LDLRAD3: variants seen among roughly 807,000 people sequenced by gnomAD.
The protein encoded by LDLRAD3 is low density lipoprotein receptor class A domain containing 3, also known as low-density lipoprotein receptor class A domain-containing protein 3.
LDLRAD3 carries 20 observed loss-of-function variants against 29.4 expected under a neutral mutation model. That is an observed-to-expected ratio of 0.68 (90% CI 0.48 to 0.99). The LOEUF (loss-of-function observed/expected upper bound fraction) is 0.99. LDLRAD3 is among the 50% of genes least tolerant of loss of function. LDLRAD3 has a pLI of 0.00. For synonymous variants in LDLRAD3, 157 were observed against 192.7 expected (o/e 0.81, Z 1.53); for missense variants, 420 against 454.3 (o/e 0.92, Z 0.69).
intron 4 of LDLRAD3, among the ~76,000 whole-genome samples, chr11:36,147,746 A>C (rs969903608): frequency 6.6e-6 from 1 of 152,220 alleles, no homozygotes; most frequent in African/African-American, 2.4e-5. Flanking sequence ...GACCTCTTAC[A>C]TCACTGCAAA....
chr11:36,049,140 C>A (rs1348804337), intron 2 of LDLRAD3, among the ~76,000 whole-genome samples: 1 of 152,106 alleles, frequency 6.6e-6, no homozygotes, highest in African/African-American at 2.4e-5. Flanking sequence ...GCTGTAACTG[C>A]AAAATATAGT....
At chr11:36,198,396 CTCA>C (rs1244792174) in intron 4 of LDLRAD3, among the ~76,000 whole-genome samples, 9 of 152,300 alleles carry the variant, frequency 5.9e-5, no homozygotes, top group Admixed American at 3.9e-4. Flanking sequence ...CACACACTTT[CTCA>C]TCAACATAAA....
chr11:36,217,145 C>T (rs1456341949), intron 4 of LDLRAD3, among the ~76,000 whole-genome samples: 1 of 152,224 alleles, frequency 6.6e-6, no homozygotes, highest in Non-Finnish European at 1.5e-5. Flanking sequence ...TGCTCAGCAT[C>T]TAGGTTATCC....
intron 2 of LDLRAD3, among the ~76,000 whole-genome samples, chr11:36,048,431 G>A (rs1056989709): frequency 1.3e-5 from 2 of 152,092 alleles, no homozygotes; most frequent in Middle Eastern, 3.2e-3. Context: ...ATCTACCTGG[G>A]GTCCCGGTGC....
At chr11:36,001,072 A>G (rs899080280) in intron 1 of LDLRAD3, 1 of 152,172 alleles carries the variant, frequency 6.6e-6, no homozygotes, top group Non-Finnish European at 1.5e-5. Flanking sequence ...ATTCAGTGGT[A>G]CTTTCTTTCG....
At chr11:36,062,929 G>A (rs1027099378) in intron 2 of LDLRAD3, among the ~76,000 whole-genome samples, 2 of 152,162 alleles carry the variant, frequency 1.3e-5, no homozygotes, top group Non-Finnish European at 2.9e-5. Context: ...AACTAGCTTT[G>A]TATAGCAGGG....
At chr11:35,982,740 C>T (rs1055260688) in intron 1 of LDLRAD3, among the ~76,000 whole-genome samples, 1 of 151,976 alleles carries the variant, frequency 6.6e-6, no homozygotes, top group African/African-American at 2.4e-5. Flanking sequence ...TCAGCTCTCT[C>T]TAAGGTGGCC....
intron 5 of LDLRAD3, 119 bp downstream of exon 5, chr11:36,227,549 A>G: frequency 1.4e-6 from 1 of 710,494 alleles, no homozygotes; most frequent in Non-Finnish European, 2.2e-6. Context: ...TGCTATAGGC[A>G]GTGGCAGCAT....
At chr11:36,053,995 TAA>T (rs1196279754) in intron 2 of LDLRAD3, among the ~76,000 whole-genome samples, 1 of 152,184 alleles carries the variant, frequency 6.6e-6, no homozygotes. Flanking sequence ...GAAGAAAACA[TAA>T]ACTGTGGATT....
At chr11:35,972,428 G>A (rs556981636) in intron 1 of LDLRAD3, 21 of 151,244 alleles carry the variant, frequency 1.4e-4, no homozygotes, top group Admixed American at 2.6e-4. Context: ...TTTTTTAATC[G>A]TTTGTTTTCA....
intron 4 of LDLRAD3, among the ~76,000 whole-genome samples, chr11:36,172,135 T>C (rs1854607065): frequency 6.6e-6 from 1 of 152,056 alleles, no homozygotes; most frequent in African/African-American, 2.4e-5. Flanking sequence ...TTGGTCGCTG[T>C]TGGTGTATAG....
chr11:36,193,879 C>T (rs1218347935), intron 4 of LDLRAD3, among the ~76,000 whole-genome samples: 1 of 152,028 alleles, frequency 6.6e-6, no homozygotes, highest in Admixed American at 6.6e-5. Context: ...CTTAGCTCTG[C>T]CACTTACTAG....
At chr11:36,110,903 C>G (rs2133286635) in intron 4 of LDLRAD3, among the ~76,000 whole-genome samples, 1 of 152,226 alleles carries the variant, frequency 6.6e-6, no homozygotes, top group African/African-American at 2.4e-5. Context: ...AAATCGCTGC[C>G]CAGTCTTTAC....
chr11:36,053,922 G>GA (rs148885042), intron 2 of LDLRAD3, among the ~76,000 whole-genome samples: 14,586 of 152,128 alleles, frequency 0.096, 915 homozygotes, highest in Admixed American at 0.15. Flanking sequence ...CAAGGTGATG[G>GA]ATGGGGTTCC....
chr11:36,149,349 C>T (rs994216334), intron 4 of LDLRAD3, among the ~76,000 whole-genome samples: 3 of 152,090 alleles, frequency 2.0e-5, no homozygotes, highest in African/African-American at 7.2e-5. Context: ...GTGGGCACAA[C>T]AAATGCAAAG....
chr11:36,189,792 T>C (rs1213678625), intron 4 of LDLRAD3, among the ~76,000 whole-genome samples: 2 of 151,742 alleles, frequency 1.3e-5, no homozygotes, highest in African/African-American at 4.8e-5. Flanking sequence ...AATGTTCTCA[T>C]TGTTCAGTTC....
intron 4 of LDLRAD3, among the ~76,000 whole-genome samples, chr11:36,106,673 C>T (rs749531162): frequency 6.6e-6 from 1 of 152,182 alleles, no homozygotes; most frequent in Non-Finnish European, 1.5e-5. Context: ...GTATATAGTT[C>T]ATCGAGGGAA....
chr11:36,217,684 G>A (rs12292214), intron 4 of LDLRAD3, among the ~76,000 whole-genome samples: 2,124 of 152,290 alleles, frequency 0.014, 62 homozygotes, highest in African/African-American at 0.048. Flanking sequence ...CAAATTGAAG[G>A]TACTGGCAGG....
At chr11:36,093,476 A>G (rs1853314076) in intron 3 of LDLRAD3, among the ~76,000 whole-genome samples, 1 of 151,760 alleles carries the variant, frequency 6.6e-6, no homozygotes, top group African/African-American at 2.4e-5. Context: ...TATGATAAGT[A>G]GCATTCTCTT....
Sources: allele counts gnomAD v4.1 joint callset (sites outside exome capture counted in the v4.1 genomes callset), GRCh38; gene constraint gnomAD v4.1.1; transcripts MANE v1.5; gene names NCBI Gene and HGNC (gene_info 2026-07-23, HGNC 2026-07-21).